ESF1: variants seen among roughly 807,000 people sequenced by gnomAD.
The protein encoded by ESF1 is ESF1 homolog.
Under a neutral mutation model 92.0 loss-of-function variants are expected in ESF1, and 58 were observed. The ratio of observed to expected loss-of-function variants is 0.63; its 90% CI spans 0.51 to 0.78. The LOEUF (loss-of-function observed/expected upper bound fraction) is 0.78. Ranked by LOEUF, ESF1 falls within the 30% of genes least tolerant of loss-of-function variation. The pLI, the probability that ESF1 is intolerant of heterozygous loss-of-function variation, is 0.00. For synonymous variants in ESF1, 321 were observed against 313.7 expected (o/e 1.02, Z -0.24); for missense variants, 922 against 989.1 (o/e 0.93, Z 0.91).
chr20:13,759,718 A>G lies in ESF1; in HGVS notation c.1802T>C (p.Met601Thr), dbSNP rs199635076. ...EKEKKGKEND[M>T]EMEIKWVPGL... ...TGGAACCCATTTAATTTCCATTTCC[A>G]TATCATTTTCTTTGCCTTTCTTTTC... Residue 601 changes from methionine to threonine, a missense_variant, in exon 9 of 14, where the codon ATG (methionine) becomes ACG (threonine). Coordinates refer to ENST00000617257, the MANE Select transcript of ESF1 (RefSeq NM_001276380.2). 15 of 1,574,660 alleles carry G rather than the reference A, an allele frequency of 9.5e-6. No individual in the cohort carries two copies. The Admixed American group carries it at 2.1e-4, about 22-fold the overall frequency.
chr20:13,715,440 C>A (rs1013634731), intron 13 of ESF1, among the ~76,000 whole-genome samples: 1 of 151,996 alleles, frequency 6.6e-6, no homozygotes, highest in African/African-American at 2.4e-5. Context: ...ATATTATGGC[C>A]GGTAACTACA....
At chr20:13,778,783 A>G (rs939228238) in intron 2 of ESF1, among the ~76,000 whole-genome samples, 4 of 152,218 alleles carry the variant, frequency 2.6e-5, no homozygotes, top group African/African-American at 9.6e-5. Flanking sequence ...ACAGCTGCTC[A>G]CGCCTGTAAT....
chr20:13,758,357 T>G (rs1412340636), intron 9 of ESF1, among the ~76,000 whole-genome samples: 1 of 152,350 alleles, frequency 6.6e-6, no homozygotes, highest in East Asian at 1.9e-4. Context: ...TAAACTTCAT[T>G]CGTTCTTACC....
At chr20:13,752,269 G>A (rs1978673122) in intron 9 of ESF1, among the ~76,000 whole-genome samples, 2 of 152,158 alleles carry the variant, frequency 1.3e-5, no homozygotes, top group Admixed American at 6.5e-5. Context: ...TTCAAGGAAG[G>A]AGCTCACGCT....
intron 4 of ESF1, among the ~76,000 whole-genome samples, chr20:13,774,612 T>A (rs1009203342): frequency 5.3e-5 from 8 of 152,194 alleles, no homozygotes; most frequent in Non-Finnish European, 1.2e-4. Flanking sequence ...TAATTAAGTG[T>A]CCAGGATCAC....
At chr20:13,767,993 T>C (rs1979505161) in intron 7 of ESF1, among the ~76,000 whole-genome samples, 1 of 152,212 alleles carries the variant, frequency 6.6e-6, no homozygotes, top group Admixed American at 6.5e-5. Context: ...GGACAGATGT[T>C]GATGATACAG....
chr20:13,770,720 A>C (rs1430897562), intron 6 of ESF1, among the ~76,000 whole-genome samples: 1 of 152,226 alleles, frequency 6.6e-6, no homozygotes, highest in African/African-American at 2.4e-5. Context: ...TATCATATAC[A>C]TGAGGTGTCA....
At position 13,717,287 on chromosome 20, in the gene ESF1, A is replaced by C. The variant is rs1023101248; in HGVS notation, c.2262+81T>G. 2.6e-6 allele frequency: 4 copies of C among 1,531,854 alleles called. No homozygotes were observed. The African/African-American group carries it at 5.5e-5, about 21-fold the overall frequency. The allele number at this position is 1,531,854 out of a possible 1,614,324, so 94.9% of individuals were successfully genotyped here. On this transcript the variant is annotated intron_variant, in intron 13 of 13. Transcript: ENST00000617257. Reference sequence around the variant, plus strand: ...TAAGACATTTTCAAGGGTAACTTTGACTATGCTCAATTTCTATCTGCAGAG... The same window carrying C: ...TAAGACATTTTCAAGGGTAACTTTGCCTATGCTCAATTTCTATCTGCAGAG...
intron 10 of ESF1, among the ~76,000 whole-genome samples, chr20:13,730,376 G>A (rs2049933195): frequency 6.8e-6 from 1 of 146,640 alleles, no homozygotes; most frequent in Non-Finnish European, 1.5e-5. Context: ...GCCTGGCCAA[G>A]AACAAGTGCT....
At chr20:13,728,779 A>G (rs2049920513) in intron 10 of ESF1, among the ~76,000 whole-genome samples, 1 of 152,024 alleles carries the variant, frequency 6.6e-6, no homozygotes, top group Admixed American at 6.5e-5. Context: ...AGGCAGGAGA[A>G]TCACTTGAAC....
chr20:13,717,315 G>T, intron 13 of ESF1, 53 bp downstream of exon 13: 1 of 1,596,840 alleles, frequency 6.3e-7, no homozygotes, highest in South Asian at 1.1e-5. Flanking sequence ...CTGCAGAGCT[G>T]ACTTTAGATT....
chr20:13,724,407 G>A (rs2049887832), intron 11 of ESF1, among the ~76,000 whole-genome samples: 2 of 152,156 alleles, frequency 1.3e-5, no homozygotes, highest in Non-Finnish European at 2.9e-5. Flanking sequence ...TATCTGGAAG[G>A]CACACAAAAA....
At chr20:13,784,470 C>G (rs1169294156) in intron 1 of ESF1, among the ~76,000 whole-genome samples, 1 of 152,156 alleles carries the variant, frequency 6.6e-6, no homozygotes, top group Non-Finnish European at 1.5e-5. Flanking sequence ...AGAAGTACTG[C>G]ATGTATTGTA....
intron 8 of ESF1, among the ~76,000 whole-genome samples, chr20:13,761,286 T>C (rs539546135): frequency 1.5e-3 from 221 of 151,858 alleles, no homozygotes; most frequent in Admixed American, 3.1e-3. Context: ...CAGAGATCTT[T>C]GTTCACTTGT....
intron 10 of ESF1, among the ~76,000 whole-genome samples, chr20:13,732,911 T>C (rs1215970299): frequency 5.2e-5 from 1 of 19,096 alleles, no homozygotes; most frequent in African/African-American, 1.3e-4. Context: ...CTCTTATTTA[T>C]TTATTTATTT....
chr20:13,750,242 C>T (rs1339299060), intron 9 of ESF1, among the ~76,000 whole-genome samples: 3 of 152,176 alleles, frequency 2.0e-5, no homozygotes, highest in Non-Finnish European at 2.9e-5. Context: ...CAGTGGCTCA[C>T]GCCTGTAATC....
At chr20:13,737,548 C>G (rs1313434309) in intron 9 of ESF1, among the ~76,000 whole-genome samples, 1 of 152,202 alleles carries the variant, frequency 6.6e-6, no homozygotes, top group Non-Finnish European at 1.5e-5. Context: ...AACCAGCACT[C>G]TTTATTTAAA....
intron 9 of ESF1, among the ~76,000 whole-genome samples, chr20:13,749,646 A>G (rs1600280366): frequency 6.6e-6 from 1 of 151,696 alleles, no homozygotes; most frequent in East Asian, 1.9e-4. Flanking sequence ...GCTCACTGCA[A>G]CCTCCACTTG....
At chr20:13,740,148 G>A (rs1056951861) in intron 9 of ESF1, among the ~76,000 whole-genome samples, 2 of 152,194 alleles carry the variant, frequency 1.3e-5, no homozygotes, top group Non-Finnish European at 2.9e-5. Context: ...GTGTTGGATT[G>A]GAAGTGCCCT....
Sources: allele counts gnomAD v4.1 joint callset (sites outside exome capture counted in the v4.1 genomes callset), GRCh38; gene constraint gnomAD v4.1.1; transcripts MANE v1.5; gene names NCBI Gene and HGNC (gene_info 2026-07-23, HGNC 2026-07-21).